Variants in FNDC3B observed in about 807,000 individuals in gnomAD.
FNDC3B encodes the protein fibronectin type III domain-containing protein 3B.
FNDC3B carries 12 observed loss-of-function variants against 151.5 expected under a neutral mutation model. The observed-to-expected ratio is 0.08, with a 90% CI of 0.05 to 0.13. The LOEUF (loss-of-function observed/expected upper bound fraction) is 0.13, where lower values mean the gene tolerates loss of function less well. Ranked by LOEUF, FNDC3B falls within the 10% of genes least tolerant of loss-of-function variation. The pLI is 1.00. For missense variants in FNDC3B, 1,214 were observed against 1,505.3 expected (o/e 0.81, Z 3.20); for synonymous variants, 528 against 549.0 (o/e 0.96, Z 0.54).
chr3:172,381,008 T>C lies in FNDC3B; in HGVS notation c.3218T>C (p.Leu1073Ser). 3 of 1,613,862 alleles carry C rather than the reference T, an allele frequency of 1.9e-6. No homozygotes were observed. The highest frequency in any genetic ancestry group is 1.7e-4 in the Middle Eastern group (1 of 6,060). The change falls in exon 25 of 26, where the codon TTA becomes TCA. Residue 1073 changes from leucine (L) to serine (S), a missense_variant. Coordinates refer to ENST00000415807, the MANE Select transcript of FNDC3B (RefSeq NM_022763.4). ...TQLEGNSCEI[L>S]WETVPSMKGD... is the part of the protein sequence containing the mutation. ...TTAGAAGGAAATTCATGTGAAATTT[T>C]ATGGGAGACGGTACCATCAATGAAA...
intron 3 of FNDC3B, among the ~76,000 whole-genome samples, chr3:172,202,486 C>T (rs930749931): frequency 1.3e-5 from 2 of 152,126 alleles, no homozygotes; most frequent in East Asian, 1.9e-4. Context: ...AGATCCCTCC[C>T]GTCCCCTGTT....
chr3:172,072,475 T>G (rs1717827383), intron 1 of FNDC3B, among the ~76,000 whole-genome samples: 1 of 152,104 alleles, frequency 6.6e-6, no homozygotes, highest in Non-Finnish European at 1.5e-5. Flanking sequence ...AGTGGATAAT[T>G]GAATGTTTAA....
rs149240934 is a variant in FNDC3B, at chr3:172,259,593, C to T, written c.790+8052C>T. Among the ~76,000 whole-genome samples, 119 of 152,278 alleles carry T rather than the reference C, an allele frequency of 7.8e-4. 1 individual carries two copies. The highest frequency in any genetic ancestry group is 2.7e-3 in the African/African-American group (114 of 41,544). On this transcript the variant is annotated intron_variant, in intron 6 of 25. Transcript: ENST00000415807. Reference sequence around the variant, plus strand: ...TGAATAACTACTTTTCTGTAAGACCCCTTTATGATGATTTTTTTCCCTCTT... The same window carrying T: ...TGAATAACTACTTTTCTGTAAGACCTCTTTATGATGATTTTTTTCCCTCTT...
At chr3:172,279,519 C>A (rs913423662) in intron 6 of FNDC3B, among the ~76,000 whole-genome samples, 1 of 152,172 alleles carries the variant, frequency 6.6e-6, no homozygotes, top group Non-Finnish European at 1.5e-5. Flanking sequence ...GTCTGGTATT[C>A]CCTTGGCTAC....
At chr3:172,243,567 G>A (rs1727611087) in intron 4 of FNDC3B, among the ~76,000 whole-genome samples, 1 of 152,066 alleles carries the variant, frequency 6.6e-6, no homozygotes, top group African/African-American at 2.4e-5. Context: ...GAACAGCACG[G>A]GAAAGACTTG....
intron 11 of FNDC3B, among the ~76,000 whole-genome samples, chr3:172,314,106 G>A (rs1731659504): frequency 6.6e-6 from 1 of 152,124 alleles, no homozygotes; most frequent in Non-Finnish European, 1.5e-5. Flanking sequence ...CATCTCTTTG[G>A]TACCAGGACT....
intron 5 of FNDC3B, among the ~76,000 whole-genome samples, chr3:172,250,990 GTAT>G (rs532178582): frequency 6.6e-6 from 1 of 152,114 alleles, no homozygotes; most frequent in South Asian, 2.1e-4. Flanking sequence ...CTAATTTTTT[GTAT>G]TTTTAGTAGG....
intron 3 of FNDC3B, among the ~76,000 whole-genome samples, chr3:172,209,283 C>G (rs1436551317): frequency 6.6e-6 from 1 of 152,314 alleles, no homozygotes; most frequent in South Asian, 2.1e-4. Flanking sequence ...AGTGTTACAG[C>G]CCCTTTAGCT....
At chr3:172,345,215 T>C (rs1733543296) in intron 19 of FNDC3B, among the ~76,000 whole-genome samples, 1 of 152,166 alleles carries the variant, frequency 6.6e-6, no homozygotes, top group African/African-American at 2.4e-5. Context: ...GACACAACAA[T>C]GATACTTAAG....
At chr3:172,346,752 G>T (rs1243524053) in intron 20 of FNDC3B, among the ~76,000 whole-genome samples, 1 of 151,968 alleles carries the variant, frequency 6.6e-6, no homozygotes, top group African/African-American at 2.4e-5. Context: ...CACCCAGGCT[G>T]GAGGGCAGTG....
intron 11 of FNDC3B, among the ~76,000 whole-genome samples, chr3:172,325,961 T>C (rs1051206581): frequency 2.0e-5 from 3 of 152,158 alleles, no homozygotes; most frequent in Non-Finnish European, 2.9e-5. Flanking sequence ...GTAGCTGGGA[T>C]TACAGGCGTC....
At position 172,120,573 on chromosome 3, in the gene FNDC3B, G is replaced by A. The variant is rs377373278; in HGVS notation, c.111+7983G>A. On this transcript the variant is annotated intron_variant, in intron 2 of 25. Coordinates refer to ENST00000415807, the MANE Select transcript of FNDC3B (RefSeq NM_022763.4). Reference sequence around the variant, plus strand: ...TGCCTTTGTCATACAGGCATGGGGGGGGGTGTGTGTGTTGTTTTTGTTTTT... The same window carrying A: ...TGCCTTTGTCATACAGGCATGGGGGAGGGTGTGTGTGTTGTTTTTGTTTTT... Among the ~76,000 whole-genome samples, 28 of 151,878 alleles carry A rather than the reference G, an allele frequency of 1.8e-4. 2 individuals are homozygous for A. The highest frequency in any genetic ancestry group is 6.5e-4 in the African/African-American group (27 of 41,298).
At chr3:172,361,993 C>T (rs1319587537) in intron 22 of FNDC3B, among the ~76,000 whole-genome samples, 1 of 152,188 alleles carries the variant, frequency 6.6e-6, no homozygotes, top group Non-Finnish European at 1.5e-5. Flanking sequence ...TTTATATATA[C>T]ATTTTAACTC....
At chr3:172,282,412 G>A (rs753415296) in intron 6 of FNDC3B, among the ~76,000 whole-genome samples, 1 of 152,110 alleles carries the variant, frequency 6.6e-6, no homozygotes, top group Non-Finnish European at 1.5e-5. Context: ...AACATGAGGG[G>A]CTAGTGACCA....
At chr3:172,055,497 C>CT (rs1327545059) in intron 1 of FNDC3B, among the ~76,000 whole-genome samples, 1 of 152,042 alleles carries the variant, frequency 6.6e-6, no homozygotes, top group Non-Finnish European at 1.5e-5. Context: ...TTGCAGTTCT[C>CT]TTAAATTAGT....
intron 19 of FNDC3B, among the ~76,000 whole-genome samples, 160 bp downstream of exon 19, chr3:172,344,418 T>C (rs947300460): frequency 1.3e-5 from 2 of 152,318 alleles, no homozygotes; most frequent in East Asian, 3.9e-4. Flanking sequence ...TGAGTTGATA[T>C]TGTTGTGATT....
At chr3:172,301,544 A>G (rs182002959) in intron 9 of FNDC3B, 8 of 152,352 alleles carry the variant, frequency 5.3e-5, no homozygotes, top group Admixed American at 4.6e-4. Context: ...CAACTACAGA[A>G]GAATTTCATT....
At chr3:172,150,279 T>C (rs1559989646) in intron 3 of FNDC3B, among the ~76,000 whole-genome samples, 1 of 152,080 alleles carries the variant, frequency 6.6e-6, no homozygotes, top group Admixed American at 6.5e-5. Flanking sequence ...AGTATTTAGT[T>C]TACGTTGCAC....
intron 7 of FNDC3B, among the ~76,000 whole-genome samples, chr3:172,293,628 A>G (rs1730451984): frequency 6.6e-6 from 1 of 152,224 alleles, no homozygotes; most frequent in South Asian, 2.1e-4. Flanking sequence ...TGGAGGAGTG[A>G]CAATGCATGA....
Sources: allele counts gnomAD v4.1 joint callset (sites outside exome capture counted in the v4.1 genomes callset), GRCh38; gene constraint gnomAD v4.1.1; transcripts MANE v1.5; gene names NCBI Gene and HGNC (gene_info 2026-07-23, HGNC 2026-07-21).